The following FLII variants were observed in gnomAD, a reference collection of about 807,000 sequenced individuals.
The protein encoded by FLII is FLII actin remodeling protein.
FLII carries 101 observed loss-of-function variants against 156.2 expected under a neutral mutation model. The ratio of observed to expected loss-of-function variants is 0.65; its 90% CI spans 0.55 to 0.76. The LOEUF is 0.76. FLII is among the 30% of genes least tolerant of loss of function. The pLI is 0.00. For synonymous variants in FLII, 767 were observed against 685.8 expected (o/e 1.12, Z -1.85); for missense variants, 1,675 against 1,682.8 (o/e 1.00, Z 0.08).
chr17:18,249,139 G>A lies in FLII; in HGVS notation c.1922C>T (p.Ser641Phe). 6.2e-7 allele frequency: 1 copy of A among 1,613,974 alleles called. No individual in the cohort carries two copies. The highest frequency in any genetic ancestry group is 8.5e-7 in the Non-Finnish European group (1 of 1,179,916). Residue 641 changes from serine to phenylalanine, a missense_variant, in exon 16 of 30, where the codon TCT becomes TTT. By Grantham distance (155) the Ser-to-Phe change is radical. Transcript: ENST00000327031. ...TGTTGGGGCTCACCTTGGGTCCAGA[G>A]AGGTCCCCTTGAGGGGCACAGGCTC... ...KLEPVPLKGT[S>F]LDPRFVFLLD...
Position 18,253,723 on chromosome 17 carries a change from G to T in FLII, c.680-4C>A. 1 of 1,599,898 alleles carries T rather than the reference G, an allele frequency of 6.3e-7. No homozygotes were observed. Among genetic ancestry groups the T allele is most frequent in the East Asian group, 2.3e-5 (1 of 44,420 alleles). ...TCATTGCAGGACAGATCCACGTCTGGGGTGCAGGGTGGGGTGCATCAGCTG... is the reference window on the plus strand; with the variant it reads ...TCATTGCAGGACAGATCCACGTCTGTGGTGCAGGGTGGGGTGCATCAGCTG... On this transcript the variant is annotated splice_region_variant and splice_polypyrimidine_tract_variant and intron_variant, in intron 7 of 29. Transcript: ENST00000327031.
At chr17:18,252,170 C>A in intron 10 of FLII, 24 bp from the exon 11 acceptor site, 1 of 1,600,984 alleles carries the variant, frequency 6.2e-7, no homozygotes, top group Non-Finnish European at 8.6e-7. Context: ...TGAGCAGAGC[C>A]GGCACTGAGC....
rs966325688 is a variant in FLII, at chr17:18,247,020, G to A, written c.2709C>T (p.Asp903=). The change falls in exon 22 of 30, where the codon GAC becomes GAT. Residue 903 remains aspartate (D), a synonymous_variant. Transcript: ENST00000327031. ...AEQLMEEWNE[D]LDGMEGFVLE... ...GCACGAAACCCTCCATGCCGTCTAGGTCTTCGTTCCACTCCTCCATCAGCT... is the reference window on the plus strand; with the variant it reads ...GCACGAAACCCTCCATGCCGTCTAGATCTTCGTTCCACTCCTCCATCAGCT... 41 of 1,613,710 alleles carry A rather than the reference G, an allele frequency of 2.5e-5. No homozygotes were observed. Among genetic ancestry groups the A allele is most frequent in the Non-Finnish European group, 3.4e-5 (40 of 1,180,034 alleles).
chr17:18,254,823 G>A lies in FLII; in HGVS notation c.359C>T (p.Pro120Leu), dbSNP rs150162701. 3.3e-5 allele frequency: 53 copies of A among 1,614,004 alleles called. No individual in the cohort carries two copies. The highest frequency in any genetic ancestry group is 1.6e-4 in the Middle Eastern group (1 of 6,084). ...GTTCTTGGCGTTCTCCAGCTCCCGC[G>A]GGCACTCTGTCAGCTGGTTGTGGCT... ...DLSHNQLTEC[P>L]RELENAKNML... The change falls in exon 5 of 30, where the codon CCG becomes CTG. Residue 120 changes from proline to leucine, a missense_variant. Pro to Leu is a moderately conservative substitution (Grantham distance 98, BLOSUM62 -3). This residue lies in a region of FLII where 343 missense variants were observed against 413.5 expected (regional missense o/e 0.83). Coordinates refer to ENST00000327031, the MANE Select transcript of FLII (RefSeq NM_002018.4).
At position 18,254,116 on chromosome 17, in the gene FLII, G is replaced by A. The variant is rs569199185; in HGVS notation, c.642C>T (p.Asn214=). The A allele has an allele frequency of 8.7e-6, 14 of 1,611,694 alleles. No individual in the cohort carries two copies. In the South Asian group the frequency reaches 1.3e-4, roughly 15 times the overall value. ...HLRSTQRTQS[N]LPTSLEGLSN... ...TCAGACCCTCCAGGCTGGTGGGCAG[G>A]TTGCTCTGGGTGCGCTGGGTGCTCC... The change falls in exon 7 of 30, where the codon AAC becomes AAT. Residue 214 remains asparagine (N), a synonymous_variant. Transcript: ENST00000327031.
Position 18,247,776 on chromosome 17 carries a change from G to T in FLII, c.2368C>A (p.Arg790Ser). The T allele has an allele frequency of 1.9e-6, 3 of 1,610,122 alleles. No individual in the cohort carries two copies. Among genetic ancestry groups the T allele is most frequent in the Non-Finnish European group, 2.5e-6 (3 of 1,179,958 alleles). Residue 790 changes from arginine (R) to serine (S), a missense_variant, in exon 20 of 30, where the codon CGC becomes AGC. Physicochemically the swap from Arg to Ser is moderately radical, Grantham distance 110 (BLOSUM62 -1). Transcript: ENST00000327031. ...GCGCGCACCAGGCGCGGGGACTTGC[G>T]GCCGAGCCAGATGAACACGTCGGAC... Reference protein sequence around the residue: ...CWSDVFIWLGRKSPRLVRAAA... With the variant: ...CWSDVFIWLGSKSPRLVRAAA...
intron 14 of FLII, 46 bp from the exon 15 acceptor site, chr17:18,249,454 C>T (rs2142826937): frequency 1.4e-6 from 2 of 1,471,392 alleles, no homozygotes; most frequent in East Asian, 2.3e-5. Flanking sequence ...CTGCCCCCTC[C>T]CCCACCAACC....
At chr17:18,257,819 C>T (rs530591771) in intron 1 of FLII, among the ~76,000 whole-genome samples, 5 of 152,364 alleles carry the variant, frequency 3.3e-5, no homozygotes, top group Non-Finnish European at 5.9e-5. Context: ...ACCAACAACC[C>T]AGGCCGACCC....
At position 18,247,477 on chromosome 17, in the gene FLII, CTCGGACACGGAGG is replaced by C. The variant is rs752092870; in HGVS notation, c.2488-133_2488-121del. On this transcript the variant is annotated intron_variant, in intron 20 of 29. Coordinates refer to ENST00000327031, the MANE Select transcript of FLII (RefSeq NM_002018.4). ...TAGGGCGGGGCTTGGGAGGCGGGGC[CTCGGACACGGAGG>C]TAGGAATAGGAGGGGCAGCTTGCAG... is the stretch of plus-strand genomic sequence containing the variant. 4,479 of 1,136,842 alleles carry C rather than the reference CTCGGACACGGAGG, an allele frequency of 3.9e-3. 11 individuals are homozygous for C. The highest frequency in any genetic ancestry group is 4.7e-3 in the Non-Finnish European group (3,734 of 797,510). The allele number at this position is 1,136,842 out of a possible 1,614,324, so 70.4% of individuals were successfully genotyped here.
chr17:18,256,525 C>T lies in FLII; in HGVS notation c.246+1G>A, dbSNP rs982487264. ...TCGGTGGCCTCCCGGCCAGCACTCA[C>T]GCGCAGCGATGGCAGGCTGGACAGC... On this transcript the variant is annotated splice_donor_variant, in intron 3 of 29. Transcript: ENST00000327031. LOFTEE classifies it high-confidence loss of function. The T allele has an allele frequency of 1.9e-6, 3 of 1,551,242 alleles. No homozygotes were observed. The highest frequency in any genetic ancestry group is 8.7e-7 in the Non-Finnish European group (1 of 1,146,708).
chr17:18,250,166 G>C (rs1361729615), intron 14 of FLII, among the ~76,000 whole-genome samples: 1 of 152,158 alleles, frequency 6.6e-6, no homozygotes, highest in East Asian at 1.9e-4. Flanking sequence ...ACACGTCGGG[G>C]TGTTGGGATG....
intron 3 of FLII, 77 bp downstream of exon 3, chr17:18,256,449 G>A: frequency 8.3e-7 from 1 of 1,205,502 alleles, no homozygotes; most frequent in Non-Finnish European, 1.2e-6. Context: ...CCAGCTTGGT[G>A]TCTAGCCCAG....
At chr17:18,251,180 G>A in intron 13 of FLII, 85 bp downstream of exon 13, 1 of 1,505,234 alleles carries the variant, frequency 6.6e-7, no homozygotes, top group South Asian at 1.2e-5. Context: ...TGGCCTCCCT[G>A]AACAAAACTC....
intron 20 of FLII, 63 bp downstream of exon 20, chr17:18,247,594 G>A (rs1451425646): frequency 1.4e-6 from 2 of 1,413,736 alleles, no homozygotes; most frequent in South Asian, 1.4e-5. Flanking sequence ...TGAAGCCACA[G>A]GGGTCAGGGC....
intron 13 of FLII, 49 bp from the exon 14 acceptor site, chr17:18,251,066 C>A (rs1181463262): frequency 1.9e-6 from 3 of 1,570,446 alleles, no homozygotes; most frequent in Non-Finnish European, 2.6e-6. Context: ...GGTCTTCCGG[C>A]CACCCCGGAG....
At chr17:18,247,485 C>G in intron 20 of FLII, 128 bp from the exon 21 acceptor site, 1 of 1,087,742 alleles carries the variant, frequency 9.2e-7, no homozygotes, top group Non-Finnish European at 1.3e-6. Context: ...GCCTCGGACA[C>G]GGAGGTAGGA....
chr17:18,248,811 G>A lies in FLII; in HGVS notation c.2007C>T (p.Thr669=). The change falls in exon 17 of 30, where the codon ACC becomes ACT. Residue 669 remains threonine, a synonymous_variant. Coordinates refer to ENST00000327031, the MANE Select transcript of FLII (RefSeq NM_002018.4). ...WRGAQATLSS[T]TKARLFAEKI... ...CGGTGTCCTTGTACCTGGCCTTGGT[G>A]GTGCTGCTCAGTGTGGCCTGGGCCC... 6.2e-7 allele frequency: 1 copy of A among 1,613,998 alleles called. No individual in the cohort carries two copies. Among genetic ancestry groups the A allele is most frequent in the African/African-American group, 1.3e-5 (1 of 75,044 alleles).
At position 18,247,704 on chromosome 17, in the gene FLII, G is replaced by T; in HGVS notation, c.2440C>A (p.Pro814Thr). The change falls in exon 20 of 30, where the codon CCA becomes ACA. Residue 814 changes from proline to threonine, a missense_variant. This residue lies in a region of FLII where 1,332 missense variants were observed against 1,269.3 expected (regional missense o/e 1.05). Transcript: ENST00000327031. ...CTGCGGCTGACCGTGGCATGGCGTG[G>T]CCGGTGCAGCATCCCGCACAGCTCC... is the stretch of plus-strand genomic sequence containing the variant. The part of the protein sequence containing the change: ...GQELCGMLHR[P>T]RHATVSRSLE... 6.2e-7 allele frequency: 1 copy of T among 1,601,194 alleles called. No individual in the cohort carries two copies. Among genetic ancestry groups the T allele is most frequent in the Non-Finnish European group, 8.5e-7 (1 of 1,178,692 alleles).
rs891554694 is a variant in FLII, at chr17:18,251,861, C to G, written c.1247-45G>C. ...GCTGAGCCCTCACTGGGCCTGCTGCCCCCTTGGGCATGCGACCAACCAGGG... is the reference window on the plus strand; with the variant it reads ...GCTGAGCCCTCACTGGGCCTGCTGCGCCCTTGGGCATGCGACCAACCAGGG... On this transcript the variant is annotated intron_variant, in intron 11 of 29. Coordinates refer to ENST00000327031, the MANE Select transcript of FLII (RefSeq NM_002018.4). The G allele has an allele frequency of 2.5e-6, 4 of 1,611,338 alleles. 1 individual carries two copies. The South Asian group carries it at 4.4e-5, about 18-fold the overall frequency.
Sources: allele counts gnomAD v4.1 joint callset (sites outside exome capture counted in the v4.1 genomes callset), GRCh38; gene constraint gnomAD v4.1.1; regional missense constraint gnomAD v4.1.1; transcripts MANE v1.5; gene names NCBI Gene and HGNC (gene_info 2026-07-23, HGNC 2026-07-21).